NCAM1: variants seen among roughly 807,000 people sequenced by gnomAD.
NCAM1 encodes antigen recognized by monoclonal antibody 5.1H11.
NCAM1 carries 14 observed loss-of-function variants against 109.8 expected under a neutral mutation model. The observed-to-expected ratio is 0.13, with a 90% CI of 0.08 to 0.20. The LOEUF (loss-of-function observed/expected upper bound fraction) is 0.20, where lower values mean the gene tolerates loss of function less well. NCAM1 is among the 10% of genes least tolerant of loss of function. The pLI is 1.00. For synonymous variants in NCAM1, 418 were observed against 442.9 expected (o/e 0.94, Z 0.70); for missense variants, 774 against 1,109.9 (o/e 0.70, Z 4.30).
chr11:113,059,002 A>G (rs1953821227), intron 1 of NCAM1, among the ~76,000 whole-genome samples: 2 of 152,210 alleles, frequency 1.3e-5, no homozygotes, highest in Non-Finnish European at 2.9e-5. Context: ...TTTCATTAAT[A>G]CATTTGTGCT....
chr11:113,204,304 A>C lies in NCAM1; in HGVS notation c.146A>C (p.Asp49Ala). Residue 49 changes from aspartate (D) to alanine (A), a missense_variant, in exon 3 of 20, where the codon GAT (aspartate) becomes GCT (alanine). Coordinates refer to ENST00000316851, the MANE Select transcript of NCAM1 (RefSeq NM_181351.5). ...FLCQVAGDAK[D>A]KDISWFSPNG... ...TCTTTAGTGGCAGGAGATGCCAAAGATAAAGACATCTCCTGGTTCTCCCCC... is the reference window on the plus strand; with the variant it reads ...TCTTTAGTGGCAGGAGATGCCAAAGCTAAAGACATCTCCTGGTTCTCCCCC... 6.2e-7 allele frequency: 1 copy of C among 1,612,480 alleles called. No homozygotes were observed. The highest frequency in any genetic ancestry group is 8.5e-7 in the Non-Finnish European group (1 of 1,179,252).
chr11:112,969,107 G>T (rs991678715), intron 1 of NCAM1, among the ~76,000 whole-genome samples: 8 of 152,152 alleles, frequency 5.3e-5, no homozygotes, highest in Non-Finnish European at 1.2e-4. Context: ...CTCGAGCTGG[G>T]CTTGGGGAAG....
intron 16 of NCAM1, among the ~76,000 whole-genome samples, chr11:113,257,975 T>C (rs1555122597): frequency 6.6e-6 from 1 of 152,214 alleles, no homozygotes; most frequent in Non-Finnish European, 1.5e-5. Flanking sequence ...ATGAGCACTG[T>C]CACATTCCTA....
chr11:113,167,787 A>G (rs1225447193), intron 1 of NCAM1, among the ~76,000 whole-genome samples: 2 of 152,182 alleles, frequency 1.3e-5, no homozygotes, highest in East Asian at 3.9e-4. Context: ...GCACTCTGCC[A>G]GGTTGGCAGG....
intron 1 of NCAM1, among the ~76,000 whole-genome samples, chr11:113,190,508 C>T (rs934797843): frequency 1.1e-4 from 17 of 152,204 alleles, no homozygotes; most frequent in African/African-American, 3.9e-4. Flanking sequence ...CCCCTCTCCA[C>T]ACCCAGCCCT....
Position 113,172,124 on chromosome 11 carries a change from A to G in NCAM1, c.53-30255A>G, listed in dbSNP as rs538085273. Among the ~76,000 whole-genome samples, 338 of 152,234 alleles carry G rather than the reference A, an allele frequency of 2.2e-3. 3 individuals are homozygous for G. The highest frequency in any genetic ancestry group is 7.9e-3 in the African/African-American group (328 of 41,530). On this transcript the variant is annotated intron_variant, in intron 1 of 19. Coordinates refer to ENST00000316851, the MANE Select transcript of NCAM1 (RefSeq NM_181351.5). Reference sequence around the variant, plus strand: ...TAACCTTCAGAGCTCTGAGACAAGGAATTTCTCTTTACCCTGCTCAGTTTA... The same window carrying G: ...TAACCTTCAGAGCTCTGAGACAAGGGATTTCTCTTTACCCTGCTCAGTTTA...
intron 1 of NCAM1, among the ~76,000 whole-genome samples, chr11:113,018,059 G>A (rs186934722): frequency 6.6e-6 from 1 of 152,086 alleles, no homozygotes; most frequent in Non-Finnish European, 1.5e-5. Flanking sequence ...CATAGAAATC[G>A]AAATACTTCT....
rs1314487398 is a variant in NCAM1, at chr11:113,233,476, C to T, written c.1693+159C>T. On this transcript the variant is annotated intron_variant, in intron 13 of 19. Transcript: ENST00000316851. This position sits in a 1 kb window ranked among gnomAD's most constrained non-coding sequence, Gnocchi z 4.5. The stretch of plus-strand genomic sequence containing the variant: ...CCTGTAGAGTTGTTGCCCCTATTGC[C>T]ACCCCAACCCATGCTCTGTGCTTCA... 9.4e-6 allele frequency among the ~76,000 whole-genome samples: 1 copy of T among 106,846 alleles called. No individual in the cohort carries two copies. Among genetic ancestry groups the T allele is most frequent in the Non-Finnish European group, 1.8e-5 (1 of 55,956 alleles). 70.1% of individuals were successfully genotyped at this position (106,846 alleles called of 152,430 possible). A position where few individuals can be genotyped will look rare whatever the true frequency, so the allele number is the denominator to read the frequency against.
chr11:113,169,891 T>G (rs1228495412), intron 1 of NCAM1, among the ~76,000 whole-genome samples: 5 of 152,026 alleles, frequency 3.3e-5, no homozygotes, highest in African/African-American at 7.2e-5. Flanking sequence ...CCTCCCAAAG[T>G]GGAGAGATAT....
rs534224554 is a variant in NCAM1 at position 113,223,093 on chromosome 11, G to GA, written c.1089+1774dup. Among the ~76,000 whole-genome samples, 535 of 152,112 alleles carry GA rather than the reference G, an allele frequency of 3.5e-3. 7 individuals are homozygous for GA. Among genetic ancestry groups the GA allele is most frequent in the African/African-American group, 0.012 (510 of 41,510 alleles). On this transcript the variant is annotated intron_variant, in intron 9 of 19. Coordinates refer to ENST00000316851, the MANE Select transcript of NCAM1 (RefSeq NM_181351.5). The stretch of plus-strand genomic sequence containing the variant: ...TATCATTAACCTTCATATTTTTGGG[G>GA]AAAAAAGGAGTTTTCTTGCCATCAA...
intron 1 of NCAM1, among the ~76,000 whole-genome samples, chr11:113,010,361 C>T (rs1555074164): frequency 6.6e-6 from 1 of 152,122 alleles, no homozygotes; most frequent in Admixed American, 6.5e-5. Context: ...CTATTTTAGT[C>T]AGATGGGCTT....
chr11:113,267,462 G>T (rs1555124546), intron 17 of NCAM1, among the ~76,000 whole-genome samples: 1 of 151,804 alleles, frequency 6.6e-6, no homozygotes, highest in East Asian at 1.9e-4. Context: ...GCTTCTCTGA[G>T]AAGGTGACAC....
intron 1 of NCAM1, among the ~76,000 whole-genome samples, chr11:113,009,312 G>GTTTTTTTGTT (rs1555073910): frequency 1.3e-5 from 1 of 79,656 alleles, no homozygotes; most frequent in Non-Finnish European, 2.4e-5. Flanking sequence ...GTTTTTTCGG[G>GTTTTTTTGTT]TTTTTTTTTT....
rs545876013 is a variant in NCAM1 at position 113,136,823 on chromosome 11, A to G, written c.53-65556A>G. On this transcript the variant is annotated intron_variant, in intron 1 of 19. Coordinates refer to ENST00000316851, the MANE Select transcript of NCAM1 (RefSeq NM_181351.5). ...CTTGGAATGGAAAGGGAAGGCCGGCAATAGACAACAGAGGGATAAATGGTC... is the reference window on the plus strand; with the variant it reads ...CTTGGAATGGAAAGGGAAGGCCGGCGATAGACAACAGAGGGATAAATGGTC... Among the ~76,000 whole-genome samples the G allele has an allele frequency of 3.3e-5, 5 of 152,294 alleles. No homozygotes were observed. In the East Asian group the frequency reaches 9.7e-4, roughly 29 times the overall value.
intron 1 of NCAM1, among the ~76,000 whole-genome samples, chr11:113,059,999 A>G (rs1490028195): frequency 2.0e-5 from 3 of 152,262 alleles, no homozygotes; most frequent in African/African-American, 7.2e-5. Context: ...CTTAAGAGAC[A>G]GAATGGATGA....
At chr11:113,005,994 A>G (rs1474488713) in intron 1 of NCAM1, among the ~76,000 whole-genome samples, 2 of 152,166 alleles carry the variant, frequency 1.3e-5, no homozygotes, top group African/African-American at 4.8e-5. Flanking sequence ...GAGATTCTGT[A>G]AGCAGTCTCA....
intron 4 of NCAM1, 104 bp from the exon 5 acceptor site, chr11:113,205,939 C>T (rs1944223323): frequency 7.1e-7 from 1 of 1,417,816 alleles, no homozygotes. Context: ...CTTAAAACCC[C>T]ACCCTATGAT....
rs1241403353 is a variant in NCAM1 at position 113,274,984 on chromosome 11, C to A, written c.2457-283C>A. ...CTTAGGGCTGGAAGAGGAAAGGACT[C>A]GTTCTTCTGACTCAGTGCTTCTCAA... On this transcript the variant is annotated intron_variant, in intron 19 of 19. Coordinates refer to ENST00000316851, the MANE Select transcript of NCAM1 (RefSeq NM_181351.5). This position sits in a 1 kb window ranked among gnomAD's most constrained non-coding sequence, Gnocchi z 4.1. Among the ~76,000 whole-genome samples, 2 of 152,328 alleles carry A rather than the reference C, an allele frequency of 1.3e-5. 1 individual carries two copies. The highest frequency in any genetic ancestry group is 3.9e-4 in the East Asian group (2 of 5,184).
intron 1 of NCAM1, among the ~76,000 whole-genome samples, chr11:113,042,340 T>C (rs1351383517): frequency 6.6e-6 from 1 of 152,198 alleles, no homozygotes; most frequent in African/African-American, 2.4e-5. Context: ...CCGAATTCAG[T>C]GGCGCCTTCT....
Sources: gnomAD v4.1 joint callset for allele counts (sites outside exome capture counted in the v4.1 genomes callset) on GRCh38, gnomAD v4.1.1 for gene constraint, Gnocchi (gnomAD v3.1) non-coding constraint, MANE v1.5 for transcripts, NCBI Gene and HGNC (gene_info 2026-07-23, HGNC 2026-07-21) for gene names.